Variants in ARHGAP28 observed in about 807,000 individuals in gnomAD.
The protein encoded by ARHGAP28 is rho GTPase-activating protein 28.
ARHGAP28 carries 56 observed loss-of-function variants against 90.7 expected under a neutral mutation model. That is an observed-to-expected ratio of 0.62 (90% CI 0.50 to 0.77). The LOEUF is 0.77. Among genes scored for constraint, ARHGAP28 ranks in the 30% least tolerant of loss-of-function variants. The probability of loss-of-function intolerance (pLI) is 0.00; values close to 1 mark genes in which losing one functional copy is unlikely to be tolerated. For missense variants in ARHGAP28, 869 were observed against 900.9 expected (o/e 0.96, Z 0.45); for synonymous variants, 308 against 323.3 (o/e 0.95, Z 0.51).
At chr18:6,878,357 A>C in intron 10 of ARHGAP28, among the ~76,000 whole-genome samples, 1 of 56,990 alleles carries the variant, frequency 1.8e-5, no homozygotes, top group East Asian at 5.8e-4. Context: ...GGGTGGGGGG[A>C]GGGGGGAGGG....
At chr18:6,821,965 G>GAT (rs1422770925) in intron 1 of ARHGAP28, among the ~76,000 whole-genome samples, 2 of 151,586 alleles carry the variant, frequency 1.3e-5, no homozygotes, top group Non-Finnish European at 2.9e-5. Context: ...TCAGTGTTTG[G>GAT]ATATATCTGC....
At chr18:6,760,187 T>C (rs927415186) in intron 1 of ARHGAP28, among the ~76,000 whole-genome samples, 3 of 152,190 alleles carry the variant, frequency 2.0e-5, no homozygotes, top group African/African-American at 7.2e-5. Context: ...TTAGAAACAT[T>C]GGGCCACTTT....
intron 13 of ARHGAP28, 64 bp downstream of exon 13, chr18:6,890,149 C>T (rs912656823): frequency 3.2e-5 from 50 of 1,570,290 alleles, no homozygotes; most frequent in Non-Finnish European, 4.3e-5. Context: ...CATAAAGCCT[C>T]CATGATTGGG....
At chr18:6,886,933 G>C (rs566553626) in intron 11 of ARHGAP28, among the ~76,000 whole-genome samples, 2 of 152,146 alleles carry the variant, frequency 1.3e-5, no homozygotes, top group Admixed American at 6.5e-5. Context: ...TGAGGATCTC[G>C]TTGGCCACCT....
At chr18:6,899,631 G>A (rs1050136319) in intron 16 of ARHGAP28, among the ~76,000 whole-genome samples, 1 of 152,162 alleles carries the variant, frequency 6.6e-6, no homozygotes, top group African/African-American at 2.4e-5. Context: ...CCAAGTGGGT[G>A]GTCTGATTCC....
chr18:6,770,624 T>C (rs1423864175), intron 1 of ARHGAP28, among the ~76,000 whole-genome samples: 1 of 152,212 alleles, frequency 6.6e-6, no homozygotes, highest in South Asian at 2.1e-4. Flanking sequence ...CATAGACTGA[T>C]ATTTGTCAAG....
chr18:6,819,641 CA>C (rs752254148), intron 1 of ARHGAP28, among the ~76,000 whole-genome samples: 9 of 152,206 alleles, frequency 5.9e-5, no homozygotes, highest in Non-Finnish European at 1.3e-4. Context: ...CCCCACTCAA[CA>C]ACTCTGCCCC....
At chr18:6,817,785 A>G (rs541567110) in intron 1 of ARHGAP28, among the ~76,000 whole-genome samples, 57 of 152,290 alleles carry the variant, frequency 3.7e-4, no homozygotes, top group Non-Finnish European at 2.5e-4. Flanking sequence ...CAGGAAAACA[A>G]AGGATTTCAC....
At chr18:6,884,719 G>A (rs928047380) in intron 11 of ARHGAP28, among the ~76,000 whole-genome samples, 6 of 152,166 alleles carry the variant, frequency 3.9e-5, no homozygotes, top group Non-Finnish European at 5.9e-5. Context: ...TTGTGGGTCA[G>A]CCAGAGATTT....
intron 1 of ARHGAP28, among the ~76,000 whole-genome samples, chr18:6,734,176 T>C (rs1174247454): frequency 6.6e-6 from 1 of 152,222 alleles, no homozygotes; most frequent in East Asian, 1.9e-4. Flanking sequence ...AATCATGATT[T>C]TTAGAGAGGC....
At position 6,870,863 on chromosome 18, in the gene ARHGAP28, C is replaced by T. The variant is rs28594405; in HGVS notation, c.954+131C>T. Reference sequence around the variant, plus strand: ...TGCCCCAGGCTGGAGTGCAGTGGCGCGATCTCGGCTCACTGCAAGCTCTGC... The same window carrying T: ...TGCCCCAGGCTGGAGTGCAGTGGCGTGATCTCGGCTCACTGCAAGCTCTGC... On this transcript the variant is annotated intron_variant, in intron 7 of 17. Coordinates refer to ENST00000383472, the MANE Select transcript of ARHGAP28 (RefSeq NM_001366230.1). The T allele has an allele frequency of 5.3e-3, 4,874 of 927,942 alleles. 141 individuals carry two copies. In the African/African-American group the frequency reaches 0.069, roughly 13 times the overall value. 57.5% of individuals were successfully genotyped at this position (927,942 alleles called of 1,614,324 possible).
At chr18:6,755,226 A>C (rs893709499) in intron 1 of ARHGAP28, among the ~76,000 whole-genome samples, 1 of 152,174 alleles carries the variant, frequency 6.6e-6, no homozygotes, top group African/African-American at 2.4e-5. Context: ...ATATGGAAAA[A>C]GCCTAGATCT....
chr18:6,830,623 A>T (rs1163032423), intron 2 of ARHGAP28, among the ~76,000 whole-genome samples: 1 of 152,130 alleles, frequency 6.6e-6, no homozygotes, highest in Non-Finnish European at 1.5e-5. Context: ...TTCCAACTTC[A>T]TCCATGTCCC....
chr18:6,783,462 T>A (rs1443560245), intron 1 of ARHGAP28, among the ~76,000 whole-genome samples: 2 of 140,448 alleles, frequency 1.4e-5, no homozygotes, highest in African/African-American at 3.3e-5. Context: ...CCACCAGGCC[T>A]GGCTAATTTT....
rs2057414391 is a variant in ARHGAP28 at position 6,914,649 on chromosome 18, A to G, written c.*2495A>G. 6.6e-6 allele frequency: 1 copy of G among 152,214 alleles called. No homozygotes were observed. Among genetic ancestry groups the G allele is most frequent in the South Asian group, 2.1e-4 (1 of 4,830 alleles). The allele number at this position is 152,214 out of a possible 1,614,324, so 9.4% of individuals were successfully genotyped here. A position where few individuals can be genotyped will look rare whatever the true frequency, so the allele number is the denominator to read the frequency against. ...ATAAAAAAGACTCATATCTTTGCAA[A>G]CAAAAGAAGGGCAGATACTGGGCTT... On this transcript the variant is annotated 3_prime_UTR_variant, in exon 18 of 18. Transcript: ENST00000383472.
At chr18:6,886,450 G>A (rs111323729) in intron 11 of ARHGAP28, among the ~76,000 whole-genome samples, 29 of 152,216 alleles carry the variant, frequency 1.9e-4, no homozygotes, top group African/African-American at 6.7e-4. Context: ...CATTACTGAG[G>A]AAGAAAATAC....
chr18:6,731,915 C>G (rs1056888134), intron 1 of ARHGAP28, among the ~76,000 whole-genome samples: 8 of 152,098 alleles, frequency 5.3e-5, no homozygotes, highest in Non-Finnish European at 1.5e-5. Context: ...TCAAGAATAC[C>G]CTTTCCTTTA....
At chr18:6,841,172 CT>C (rs1350298816) in intron 3 of ARHGAP28, among the ~76,000 whole-genome samples, 16 of 76,222 alleles carry the variant, frequency 2.1e-4, no homozygotes, top group African/African-American at 3.7e-4. Flanking sequence ...TCTCTCCTCT[CT>C]CTCTCTCCTC....
chr18:6,812,634 C>T (rs549413448), intron 1 of ARHGAP28, among the ~76,000 whole-genome samples: 1 of 150,646 alleles, frequency 6.6e-6, no homozygotes, highest in Non-Finnish European at 1.5e-5. Flanking sequence ...TATAGCTTTT[C>T]GTCTGCTGTC....
Sources: gnomAD v4.1 joint callset for allele counts (sites outside exome capture counted in the v4.1 genomes callset) on GRCh38, gnomAD v4.1.1 for gene constraint, MANE v1.5 for transcripts, NCBI Gene and HGNC (gene_info 2026-07-23, HGNC 2026-07-21) for gene names.